The following COL11A1 variants were observed in gnomAD, a reference collection of about 807,000 sequenced individuals.
The protein encoded by COL11A1 is collagen alpha-1(XI) chain.
A neutral mutation model predicts 265.2 loss-of-function variants in COL11A1; 74 were observed. The ratio of observed to expected loss-of-function variants is 0.28; its 90% CI spans 0.23 to 0.34. COL11A1 has a LOEUF of 0.34. Among genes scored for constraint, COL11A1 ranks in the 10% least tolerant of loss-of-function variants. The pLI is 1.00. For synonymous variants in COL11A1, 816 were observed against 727.6 expected (o/e 1.12, Z -1.96); for missense variants, 2,165 against 2,263.6 (o/e 0.96, Z 0.88).
chr1:102,975,491 T>C (rs1001299110), intron 35 of COL11A1, among the ~76,000 whole-genome samples: 22 of 152,132 alleles, frequency 1.4e-4, no homozygotes, highest in African/African-American at 5.3e-4. Flanking sequence ...ATAACTTTAT[T>C]GTGTAGTTAT....
rs148099821 is a variant in COL11A1 at position 102,979,190 on chromosome 1, A to ATCAT, written c.2611-90_2611-87dup. The ATCAT allele has an allele frequency of 3.5e-3, 4,754 of 1,339,172 alleles. 145 individuals are homozygous for ATCAT. The African/African-American group carries it at 0.061, about 17-fold the overall frequency. 83.0% of individuals were successfully genotyped at this position (1,339,172 alleles called of 1,614,324 possible). On this transcript the variant is annotated intron_variant, in intron 32 of 66. Coordinates refer to ENST00000370096, the MANE Select transcript of COL11A1 (RefSeq NM_001854.4). The stretch of plus-strand genomic sequence containing the variant: ...TGAGACTGAGTAGTCATGCAAGAAC[A>ATCAT]TCATTCATTCATTCATTCATTCGTA...
chr1:103,079,540 C>CA (rs774968045), intron 2 of COL11A1, among the ~76,000 whole-genome samples: 20 of 152,096 alleles, frequency 1.3e-4, no homozygotes, highest in Non-Finnish European at 2.7e-4. Flanking sequence ...CCTTACTAAG[C>CA]ATCTGTTATA....
intron 46 of COL11A1, among the ~76,000 whole-genome samples, chr1:102,932,216 T>G (rs1657549788): frequency 1.3e-5 from 2 of 152,224 alleles, no homozygotes; most frequent in South Asian, 4.1e-4. Flanking sequence ...GGCCTGATTT[T>G]GCAGTGGCTG....
intron 41 of COL11A1, among the ~76,000 whole-genome samples, chr1:102,947,561 G>A (rs1302363306): frequency 1.3e-5 from 2 of 151,922 alleles, no homozygotes; most frequent in Non-Finnish European, 2.9e-5. Flanking sequence ...GGACCACTGG[G>A]TCTTATGAAC....
chr1:103,015,141 C>T (rs1666455854), intron 12 of COL11A1, among the ~76,000 whole-genome samples: 1 of 151,902 alleles, frequency 6.6e-6, no homozygotes. Context: ...CAGTAGGAGT[C>T]AATTTTTCAT....
At chr1:103,005,923 A>ATCT in intron 17 of COL11A1, 32 bp from the exon 18 acceptor site, 1 of 1,613,920 alleles carries the variant, frequency 6.2e-7, no homozygotes, top group African/African-American at 1.3e-5. Flanking sequence ...CATCATCATC[A>ATCT]TCATCATCAC....
At chr1:102,962,044 A>T in intron 40 of COL11A1, 125 bp from the exon 41 acceptor site, 3 of 1,021,050 alleles carry the variant, frequency 2.9e-6, no homozygotes, top group Non-Finnish European at 4.5e-6. Context: ...ATATATACAC[A>T]TATATGTAAT....
chr1:103,017,118 T>G (rs1481899460), intron 11 of COL11A1, among the ~76,000 whole-genome samples: 1 of 152,072 alleles, frequency 6.6e-6, no homozygotes, highest in Non-Finnish European at 1.5e-5. Flanking sequence ...TGAACTTTAT[T>G]TTAAATAAAA....
intron 48 of COL11A1, among the ~76,000 whole-genome samples, chr1:102,921,183 A>G (rs866652630): frequency 9.8e-5 from 15 of 152,312 alleles, no homozygotes; most frequent in Middle Eastern, 3.4e-3. Context: ...TAACAAGTGC[A>G]TAAGAGTTAT....
chr1:102,946,803 T>C (rs1487810063), intron 42 of COL11A1, 46 bp downstream of exon 42: 1 of 1,413,686 alleles, frequency 7.1e-7, no homozygotes, highest in African/African-American at 1.4e-5. Flanking sequence ...AGTAATAACG[T>C]GTACAGGGTA....
rs889072485 is a variant in COL11A1, at chr1:103,012,400, T to C, written c.1629+13A>G. 2 of 1,609,918 alleles carry C rather than the reference T, an allele frequency of 1.2e-6. No homozygotes were observed. The highest frequency in any genetic ancestry group is 1.7e-6 in the Non-Finnish European group (2 of 1,176,372). Reference sequence around the variant, plus strand: ...AAATTTTAACATATATTATCTTTGTTGGGGTAACCTACCACAGGACCTGGT... The same window carrying C: ...AAATTTTAACATATATTATCTTTGTCGGGGTAACCTACCACAGGACCTGGT... On this transcript the variant is annotated intron_variant, in intron 14 of 66. Transcript: ENST00000370096.
At chr1:102,994,607 A>G (rs1416829236) in intron 28 of COL11A1, among the ~76,000 whole-genome samples, 1 of 152,106 alleles carries the variant, frequency 6.6e-6, no homozygotes, top group Non-Finnish European at 1.5e-5. Flanking sequence ...TAGCAGTGCA[A>G]GGACAGTCTA....
At chr1:102,890,822 T>C (rs1045744303) in intron 57 of COL11A1, among the ~76,000 whole-genome samples, 2 of 152,090 alleles carry the variant, frequency 1.3e-5, no homozygotes, top group South Asian at 2.1e-4. Flanking sequence ...TTCCAAATTA[T>C]ATATCCAGTT....
chr1:102,978,938 C>A (rs1662771251), intron 33 of COL11A1, 25 bp from the exon 34 acceptor site: 1 of 1,613,890 alleles, frequency 6.2e-7, no homozygotes, highest in Non-Finnish European at 8.5e-7. Flanking sequence ...AAAAGATGAA[C>A]CCAAACTAAT....
chr1:102,884,180 C>A (rs761268405), intron 63 of COL11A1, among the ~76,000 whole-genome samples: 3 of 152,174 alleles, frequency 2.0e-5, no homozygotes, highest in Non-Finnish European at 4.4e-5. Flanking sequence ...TGTCTCTCAT[C>A]CCTCATTCTC....
intron 15 of COL11A1, among the ~76,000 whole-genome samples, chr1:103,006,711 G>T (rs1380511144): frequency 6.6e-6 from 1 of 151,464 alleles, no homozygotes; most frequent in Non-Finnish European, 1.5e-5. Context: ...CTAATTTTTT[G>T]TATTTTTAGT....
intron 46 of COL11A1, among the ~76,000 whole-genome samples, chr1:102,934,042 C>A (rs905933900): frequency 7.2e-5 from 11 of 152,098 alleles, no homozygotes; most frequent in Admixed American, 5.9e-4. Context: ...GCAGAAATCA[C>A]CTGTATTCTG....
chr1:103,003,404 G>A, intron 20 of COL11A1, 136 bp from the exon 21 acceptor site: 7 of 932,244 alleles, frequency 7.5e-6, no homozygotes, highest in Non-Finnish European at 1.0e-5. Context: ...CACTGAAAGT[G>A]ATGTCCATAA....
At chr1:102,952,551 G>A (rs962645629) in intron 41 of COL11A1, among the ~76,000 whole-genome samples, 3 of 152,116 alleles carry the variant, frequency 2.0e-5, no homozygotes, top group African/African-American at 7.2e-5. Flanking sequence ...TTAAAATATT[G>A]CTCATGATCT....
Sources: gnomAD v4.1 joint callset for allele counts (sites outside exome capture counted in the v4.1 genomes callset) on GRCh38, gnomAD v4.1.1 for gene constraint, MANE v1.5 for transcripts, NCBI Gene and HGNC (gene_info 2026-07-23, HGNC 2026-07-21) for gene names.